Variants in COX16 observed in about 807,000 individuals in gnomAD.
COX16 encodes cytochrome c oxidase assembly factor COX16, also known as cytochrome c oxidase assembly protein COX16 homolog, mitochondrial.
A neutral mutation model predicts 15.4 loss-of-function variants in COX16; 12 were observed. The ratio of observed to expected loss-of-function variants is 0.78; its 90% CI spans 0.50 to 1.26. The LOEUF is 1.26. Among genes scored for constraint, COX16 ranks in the 50% most tolerant of loss-of-function variants. The pLI is 0.00. For synonymous variants in COX16, 46 were observed against 41.1 expected, an observed-to-expected ratio of 1.12 and a Z score of -0.46; for missense variants, 124 against 127.6, an observed-to-expected ratio of 0.97 and a Z score of 0.14.
rs993978464 is a variant in COX16 at position 70,325,571 on chromosome 14, C to G, written c.*762G>C. The G allele has an allele frequency of 3.3e-5, 5 of 152,200 alleles. No homozygotes were observed. The highest frequency in any genetic ancestry group is 1.2e-4 in the African/African-American group (5 of 41,432). 9.4% of individuals were successfully genotyped at this position (152,200 alleles called of 1,614,324 possible). A position where few individuals can be genotyped will look rare whatever the true frequency, so the allele number is the denominator to read the frequency against. On this transcript the variant is annotated 3_prime_UTR_variant, in exon 4 of 4. Transcript: ENST00000389912. ...TCCAGCCTGGGCGAACAGAGCGAGACTATGTCTCAAAACAAAACAAAAACA... is the reference window on the plus strand; with the variant it reads ...TCCAGCCTGGGCGAACAGAGCGAGAGTATGTCTCAAAACAAAACAAAAACA...
intron 2 of COX16, among the ~76,000 whole-genome samples, chr14:70,335,842 A>G (rs1566599208): frequency 6.6e-6 from 1 of 152,222 alleles, no homozygotes; most frequent in Non-Finnish European, 1.5e-5. Context: ...TATTGAATAA[A>G]AGAAGTCAGC....
At chr14:70,353,680 A>AT (rs1373611151) in intron 1 of COX16, among the ~76,000 whole-genome samples, 3 of 151,550 alleles carry the variant, frequency 2.0e-5, no homozygotes, top group African/African-American at 7.3e-5. Flanking sequence ...CACTCGACTA[A>AT]TTTTTTATAT....
At chr14:70,327,115 A>T (rs929067970) in intron 3 of COX16, among the ~76,000 whole-genome samples, 1 of 152,080 alleles carries the variant, frequency 6.6e-6, no homozygotes, top group East Asian at 1.9e-4. Flanking sequence ...ACTTTTACAT[A>T]TCTGCTGTTT....
At position 70,329,034 on chromosome 14, in the gene COX16, TA is replaced by T. The variant is rs1886188382; in HGVS notation, c.204+139del. The T allele has an allele frequency of 1.5e-5, 9 of 606,334 alleles. No homozygotes were observed. In the Admixed American group the frequency reaches 1.7e-4, roughly 11 times the overall value. The allele number at this position is 606,334 out of a possible 1,614,324, so 37.6% of individuals were successfully genotyped here. A position where few individuals can be genotyped will look rare whatever the true frequency, so the allele number is the denominator to read the frequency against. ...TATATTAAGTATGGATCCATCTTTT[TA>T]TTTGCTTTTCAAATGATTATAGTTT... is the stretch of plus-strand genomic sequence containing the variant. On this transcript the variant is annotated intron_variant, in intron 3 of 3. Coordinates refer to ENST00000389912, the MANE Select transcript of COX16 (RefSeq NM_016468.7).
At chr14:70,335,301 A>C (rs1886416201) in intron 2 of COX16, among the ~76,000 whole-genome samples, 1 of 152,200 alleles carries the variant, frequency 6.6e-6, no homozygotes. Flanking sequence ...TCTAGGTACA[A>C]AATCAACAAA....
Position 70,329,169 on chromosome 14 carries a change from C to T in COX16, c.204+5G>A, listed in dbSNP as rs751695586. 1.7e-5 allele frequency: 27 copies of T among 1,593,028 alleles called. No individual in the cohort carries two copies. In the East Asian group the frequency reaches 1.8e-4, roughly 11 times the overall value. On this transcript the variant is annotated splice_donor_5th_base_variant and intron_variant, in intron 3 of 3. Coordinates refer to ENST00000389912, the MANE Select transcript of COX16 (RefSeq NM_016468.7). ...TAAGACAGAGACTATATTAACATACCGTACCTCATATTCCGACTCTAAAGA... is the reference window on the plus strand; with the variant it reads ...TAAGACAGAGACTATATTAACATACTGTACCTCATATTCCGACTCTAAAGA...
chr14:70,329,883 A>G (rs1274737041), intron 2 of COX16, among the ~76,000 whole-genome samples: 1 of 152,152 alleles, frequency 6.6e-6, no homozygotes, highest in Non-Finnish European at 1.5e-5. Context: ...TAAGTAAAAT[A>G]GAAGCATAAC....
At chr14:70,352,254 T>C (rs1241217227) in intron 1 of COX16, among the ~76,000 whole-genome samples, 2 of 152,224 alleles carry the variant, frequency 1.3e-5, no homozygotes, top group African/African-American at 2.4e-5. Context: ...AGGAGCGATC[T>C]CGGCTCACTG....
At chr14:70,332,283 A>C (rs1886314325) in intron 2 of COX16, among the ~76,000 whole-genome samples, 1 of 152,218 alleles carries the variant, frequency 6.6e-6, no homozygotes, top group Non-Finnish European at 1.5e-5. Context: ...GGGAGACTCA[A>C]CATATCTGGC....
At chr14:70,336,508 TTAGA>T (rs772748804) in intron 2 of COX16, among the ~76,000 whole-genome samples, 29 of 152,322 alleles carry the variant, frequency 1.9e-4, no homozygotes, top group Admixed American at 4.6e-4. Context: ...ACAAAACAAC[TTAGA>T]TAAATAAAAA....
At chr14:70,332,115 A>G (rs1051111825) in intron 2 of COX16, among the ~76,000 whole-genome samples, 3 of 152,252 alleles carry the variant, frequency 2.0e-5, no homozygotes, top group Admixed American at 2.0e-4. Flanking sequence ...CCAGCTGCCA[A>G]GAGGTCCAGA....
At chr14:70,327,522 A>G (rs1886120427) in intron 3 of COX16, among the ~76,000 whole-genome samples, 1 of 152,142 alleles carries the variant, frequency 6.6e-6, no homozygotes, top group African/African-American at 2.4e-5. Context: ...AAATGAAAAT[A>G]CTGTTCACTT....
At chr14:70,347,278 C>G (rs1886812134) in intron 1 of COX16, among the ~76,000 whole-genome samples, 1 of 152,198 alleles carries the variant, frequency 6.6e-6, no homozygotes, top group Non-Finnish European at 1.5e-5. Flanking sequence ...TCCAGGACCT[C>G]AGGCTCATTA....
At chr14:70,334,719 A>G (rs1886396423) in intron 2 of COX16, among the ~76,000 whole-genome samples, 1 of 152,230 alleles carries the variant, frequency 6.6e-6, no homozygotes, top group Non-Finnish European at 1.5e-5. Flanking sequence ...GATACACTAA[A>G]AATAAAAAGC....
At chr14:70,356,505 T>A (rs541837024) in intron 1 of COX16, among the ~76,000 whole-genome samples, 49 of 152,178 alleles carry the variant, frequency 3.2e-4, no homozygotes, top group African/African-American at 1.1e-3. Flanking sequence ...GCAACACAAA[T>A]GGACTAAGAC....
intron 2 of COX16, among the ~76,000 whole-genome samples, chr14:70,330,289 G>A (rs1886241484): frequency 6.6e-6 from 1 of 152,096 alleles, no homozygotes; most frequent in African/African-American, 2.4e-5. Context: ...AAAATGGACA[G>A]ATTAATAGAA....
At chr14:70,332,814 A>G (rs1886331879) in intron 2 of COX16, among the ~76,000 whole-genome samples, 1 of 152,202 alleles carries the variant, frequency 6.6e-6, no homozygotes, top group South Asian at 2.1e-4. Context: ...TCAAGAACCC[A>G]TCCTGCCTAT....
intron 2 of COX16, among the ~76,000 whole-genome samples, chr14:70,336,141 A>G (rs906521785): frequency 6.6e-6 from 1 of 152,212 alleles, no homozygotes; most frequent in Non-Finnish European, 1.5e-5. Context: ...CTGTAGTCCC[A>G]GCTACTCGGG....
intron 1 of COX16, among the ~76,000 whole-genome samples, chr14:70,350,295 G>T (rs1243918329): frequency 1.3e-5 from 2 of 152,164 alleles, no homozygotes; most frequent in Non-Finnish European, 2.9e-5. Flanking sequence ...TAGCAATTAC[G>T]TCAGACTAGG....
Sources: gnomAD v4.1 joint callset for allele counts (sites outside exome capture counted in the v4.1 genomes callset) on GRCh38, gnomAD v4.1.1 for gene constraint, MANE v1.5 for transcripts, NCBI Gene and HGNC (gene_info 2026-07-23, HGNC 2026-07-21) for gene names.